The following PDE8B variants were observed in gnomAD, a reference collection of about 807,000 sequenced individuals.
PDE8B encodes high affinity cAMP-specific and IBMX-insensitive 3',5'-cyclic phosphodiesterase 8B.
In PDE8B, 26 loss-of-function variants were observed where a neutral mutation model predicts 101.3. That is an observed-to-expected ratio of 0.26 (90% CI 0.19 to 0.36). The LOEUF is 0.36. Ranked by LOEUF, PDE8B falls within the 10% of genes least tolerant of loss-of-function variation. The probability of loss-of-function intolerance (pLI) is 1.00; values close to 1 mark genes in which losing one functional copy is unlikely to be tolerated. For synonymous variants in PDE8B, 424 were observed against 429.3 expected, an observed-to-expected ratio of 0.99 and a Z score of 0.15; for missense variants, 810 against 1,163.1, an observed-to-expected ratio of 0.70 and a Z score of 4.42.
chr5:77,171,492 A>T, the PDE8B span, among the ~76,000 whole-genome samples: 3 of 152,220 alleles, frequency 2.0e-5, no homozygotes, highest in Admixed American at 6.5e-5. Flanking sequence ...AAAAATTTTT[A>T]AAATATCAAT....
the PDE8B span, among the ~76,000 whole-genome samples, chr5:77,099,353 G>A: frequency 6.6e-6 from 1 of 152,276 alleles, no homozygotes; most frequent in African/African-American, 2.4e-5. Flanking sequence ...TTGGACTGTT[G>A]GAATACTGTA....
the PDE8B span, among the ~76,000 whole-genome samples, chr5:77,135,886 G>T: frequency 6.6e-6 from 1 of 151,960 alleles, no homozygotes; most frequent in African/African-American, 2.4e-5. Context: ...CAAAGTGCTG[G>T]GATAACAGGC....
At chr5:77,095,008 GA>G in the PDE8B span, among the ~76,000 whole-genome samples, 1 of 151,916 alleles carries the variant, frequency 6.6e-6, no homozygotes, top group East Asian at 1.9e-4. Flanking sequence ...ATATCAATTA[GA>G]AAAAAAAGAA....
the PDE8B span, among the ~76,000 whole-genome samples, chr5:77,092,004 A>G: frequency 1.3e-5 from 2 of 152,218 alleles, no homozygotes; most frequent in Non-Finnish European, 2.9e-5. Flanking sequence ...TCTAAGAAGA[A>G]AGTGAAAAAT....
chr5:77,215,281 C>A (rs545993908), intron 1 of PDE8B, among the ~76,000 whole-genome samples: 30 of 152,300 alleles, frequency 2.0e-4, no homozygotes, highest in African/African-American at 7.2e-4. Context: ...CACATATTCT[C>A]TTCTCAGCTC....
chr5:77,370,913 G>T (rs1056866787), intron 10 of PDE8B, among the ~76,000 whole-genome samples: 4 of 152,128 alleles, frequency 2.6e-5, no homozygotes, highest in Non-Finnish European at 4.4e-5. Context: ...ACAATTTTTC[G>T]TGTGCTATTG....
chr5:77,360,026 G>A (rs1208506087), intron 10 of PDE8B, among the ~76,000 whole-genome samples: 2 of 151,860 alleles, frequency 1.3e-5, no homozygotes, highest in Non-Finnish European at 2.9e-5. Flanking sequence ...AGGAGGTGGA[G>A]GTTGTAGCAA....
At chr5:77,154,958 G>C in the PDE8B span, among the ~76,000 whole-genome samples, 1 of 152,174 alleles carries the variant, frequency 6.6e-6, no homozygotes, top group Admixed American at 6.5e-5. Context: ...GAGTCTGGAT[G>C]TTGCAGACTT....
the PDE8B span, among the ~76,000 whole-genome samples, chr5:77,152,706 G>A: frequency 6.6e-6 from 1 of 152,286 alleles, no homozygotes; most frequent in East Asian, 1.9e-4. Flanking sequence ...CACCACATAA[G>A]CTCCAGACGC....
At chr5:77,147,597 C>G in the PDE8B span, 2 of 152,172 alleles carry the variant, frequency 1.3e-5, no homozygotes, top group South Asian at 4.2e-4. Flanking sequence ...CTGAATGCTT[C>G]TAAGTAAATA....
chr5:77,401,296 A>C (rs1792218428), intron 11 of PDE8B, among the ~76,000 whole-genome samples: 1 of 152,066 alleles, frequency 6.6e-6, no homozygotes, highest in Admixed American at 6.5e-5. Context: ...ATTTTAGTTA[A>C]TTTCTTGTAA....
intron 10 of PDE8B, among the ~76,000 whole-genome samples, chr5:77,365,556 G>A (rs1043238750): frequency 3.9e-5 from 6 of 152,172 alleles, no homozygotes; most frequent in Admixed American, 3.9e-4. Flanking sequence ...CTAGGTCCTG[G>A]CACACAGAAA....
rs945930086 is a variant in PDE8B at position 77,398,626 on chromosome 5, T to C, written c.1168-1622T>C. On this transcript the variant is annotated intron_variant, in intron 10 of 21. Transcript: ENST00000264917. ...GTGAGCCACGGCGCCCGACCGGCTG[T>C]TTTACTTTTGTGTCTGCTGCTGGCT... Among the ~76,000 whole-genome samples the C allele has an allele frequency of 2.0e-5, 3 of 152,280 alleles. No homozygotes were observed. In the East Asian group the frequency reaches 5.8e-4, roughly 29 times the overall value.
At chr5:77,256,255 G>A (rs1003189063) in intron 1 of PDE8B, among the ~76,000 whole-genome samples, 2 of 152,086 alleles carry the variant, frequency 1.3e-5, no homozygotes, top group Non-Finnish European at 2.9e-5. Flanking sequence ...CATTGGGTAC[G>A]TATATGAGGT....
At chr5:77,294,365 A>C (rs183166674) in intron 1 of PDE8B, among the ~76,000 whole-genome samples, 37 of 152,330 alleles carry the variant, frequency 2.4e-4, no homozygotes, top group African/African-American at 7.7e-4. Flanking sequence ...CAAGAAGGGG[A>C]CAGTCCCCCA....
intron 10 of PDE8B, among the ~76,000 whole-genome samples, chr5:77,378,086 G>A (rs1786629525): frequency 6.7e-6 from 1 of 150,372 alleles, no homozygotes; most frequent in East Asian, 2.0e-4. Context: ...TGCTAATATA[G>A]CAGGTGTTGG....
At chr5:77,269,009 T>A (rs1484956833) in intron 1 of PDE8B, among the ~76,000 whole-genome samples, 2 of 151,962 alleles carry the variant, frequency 1.3e-5, no homozygotes, top group Non-Finnish European at 2.9e-5. Flanking sequence ...TGCTGGATCA[T>A]ATGGTAGCTC....
the PDE8B span, among the ~76,000 whole-genome samples, chr5:77,104,132 G>C: frequency 2.6e-5 from 4 of 152,228 alleles, no homozygotes; most frequent in Non-Finnish European, 5.9e-5. Flanking sequence ...AGAGTCAAGG[G>C]AGCATAGAGC....
chr5:77,382,041 C>T (rs1787581312), intron 10 of PDE8B, among the ~76,000 whole-genome samples: 1 of 152,150 alleles, frequency 6.6e-6, no homozygotes, highest in Non-Finnish European at 1.5e-5. Flanking sequence ...TTTGAAACTA[C>T]AGTTCAGACT....
Sources: allele counts gnomAD v4.1 joint callset (sites outside exome capture counted in the v4.1 genomes callset), GRCh38; gene constraint gnomAD v4.1.1; transcripts MANE v1.5; gene names NCBI Gene and HGNC (gene_info 2026-07-23, HGNC 2026-07-21).